The following PDS5A variants were observed in gnomAD, a reference collection of about 807,000 sequenced individuals.
PDS5A encodes the protein sister chromatid cohesion protein PDS5 homolog A.
A neutral mutation model predicts 167.1 loss-of-function variants in PDS5A; 42 were observed. The ratio of observed to expected loss-of-function variants is 0.25; its 90% CI spans 0.20 to 0.33. PDS5A has a LOEUF of 0.33. Ranked by LOEUF, PDS5A falls within the 10% of genes least tolerant of loss-of-function variation. The probability of loss-of-function intolerance (pLI) is 1.00; values close to 1 mark genes in which losing one functional copy is unlikely to be tolerated. For synonymous variants in PDS5A, 553 were observed against 554.6 expected (o/e 1.00, Z 0.04); for missense variants, 1,033 against 1,605.9 (o/e 0.64, Z 6.10).
chr4:39,909,142 A>C, intron 10 of PDS5A, among the ~76,000 whole-genome samples: 1 of 151,014 alleles, frequency 6.6e-6, no homozygotes, highest in East Asian at 1.9e-4. Context: ...TTGTTGTTGA[A>C]ACAACAACAA....
intron 26 of PDS5A, among the ~76,000 whole-genome samples, chr4:39,852,578 T>A (rs528869946): frequency 6.6e-6 from 1 of 152,160 alleles, no homozygotes; most frequent in Non-Finnish European, 1.5e-5. Context: ...TGCCTTGCAT[T>A]CCCCTAAAAG....
chr4:39,969,483 A>G (rs546597787), intron 2 of PDS5A, among the ~76,000 whole-genome samples: 41 of 152,240 alleles, frequency 2.7e-4, no homozygotes, highest in Non-Finnish European at 4.4e-4. Flanking sequence ...CCTGACCAAC[A>G]TGGTAAAACC....
chr4:39,912,760 T>A (rs1200306484), intron 9 of PDS5A, among the ~76,000 whole-genome samples: 1 of 152,192 alleles, frequency 6.6e-6, no homozygotes, highest in Non-Finnish European at 1.5e-5. Context: ...TTTAATGAAT[T>A]TCATAAATTT....
intron 11 of PDS5A, among the ~76,000 whole-genome samples, chr4:39,907,882 G>C (rs11097007): frequency 2.6e-5 from 4 of 151,940 alleles, no homozygotes; most frequent in Admixed American, 2.6e-4. Flanking sequence ...CACCGCGCCC[G>C]GCAATCCATT....
At position 39,823,675 on chromosome 4, in the gene PDS5A, C is replaced by G. The variant is rs1017853234; in HGVS notation, c.*1810G>C. 1 of 152,458 alleles carries G rather than the reference C, an allele frequency of 6.6e-6. No homozygotes were observed. Among genetic ancestry groups the G allele is most frequent in the Admixed American group, 6.6e-5 (1 of 15,232 alleles). 9.4% of individuals were successfully genotyped at this position (152,458 alleles called of 1,614,324 possible). On this transcript the variant is annotated 3_prime_UTR_variant, in exon 33 of 33. Coordinates refer to ENST00000303538, the MANE Select transcript of PDS5A (RefSeq NM_001100399.2). ...ATACTCTTTTTCAGCATGTTGGAGGCAATATTTTATACTTTCTAAAGGGTT... is the reference window on the plus strand; with the variant it reads ...ATACTCTTTTTCAGCATGTTGGAGGGAATATTTTATACTTTCTAAAGGGTT...
At chr4:39,861,160 G>A (rs1217333480) in intron 26 of PDS5A, among the ~76,000 whole-genome samples, 1 of 151,470 alleles carries the variant, frequency 6.6e-6, no homozygotes, top group African/African-American at 2.4e-5. Flanking sequence ...AAGGGAAGGG[G>A]GAATAAAGAG....
At position 39,920,386 on chromosome 4, in the gene PDS5A, T is replaced by A; in HGVS notation, c.668A>T (p.Gln223Leu). 1 of 1,522,402 alleles carries A rather than the reference T, an allele frequency of 6.6e-7. No homozygotes were observed. Among genetic ancestry groups the A allele is most frequent in the Non-Finnish European group, 9.0e-7 (1 of 1,105,042 alleles). 94.3% of individuals were successfully genotyped at this position (1,522,402 alleles called of 1,614,324 possible). ...TAGCACTTTTGCAAGGTCAAAGGACTGTTTATTTAAGTTCTGAAAAATAAT... is the reference window on the plus strand; with the variant it reads ...TAGCACTTTTGCAAGGTCAAAGGACAGTTTATTTAAGTTCTGAAAAATAAT... Reference protein sequence around the residue: ...LIPAHKNLNKQSFDLAKVLLK... With the variant: ...LIPAHKNLNKLSFDLAKVLLK... Residue 223 changes from glutamine (Q) to leucine (L), a missense_variant, in exon 7 of 33, where the codon CAG becomes CTG. Gln to Leu is a moderately radical substitution (Grantham distance 113). Coordinates refer to ENST00000303538, the MANE Select transcript of PDS5A (RefSeq NM_001100399.2).
chr4:39,959,367 G>A (rs779743258), intron 2 of PDS5A, among the ~76,000 whole-genome samples: 1 of 151,974 alleles, frequency 6.6e-6, no homozygotes, highest in Non-Finnish European at 1.5e-5. Context: ...TTTTGTTGTT[G>A]TTGGAGATAG....
chr4:39,908,808 G>A (rs1174555995), intron 10 of PDS5A: 7 of 372,524 alleles, frequency 1.9e-5, no homozygotes, highest in Admixed American at 4.3e-5. Flanking sequence ...CAGGCAGGTC[G>A]CACAAGCTCA....
intron 2 of PDS5A, chr4:39,973,040 AATT>A: frequency 2.7e-6 from 1 of 367,970 alleles, no homozygotes; most frequent in Non-Finnish European, 5.2e-6. Context: ...TATATTTTGC[AATT>A]TTTTTTTCCA....
chr4:39,931,914 CAG>C (rs953583796), intron 2 of PDS5A, among the ~76,000 whole-genome samples: 1 of 139,964 alleles, frequency 7.1e-6, no homozygotes, highest in African/African-American at 2.7e-5. Context: ...TTTTTTAAGA[CAG>C]AGTCTTGCTC....
At chr4:39,922,422 G>GAAA (rs1185605621) in intron 6 of PDS5A, among the ~76,000 whole-genome samples, 200 bp downstream of exon 6, 1 of 152,116 alleles carries the variant, frequency 6.6e-6, no homozygotes, top group Admixed American at 6.6e-5. Context: ...TTAAATGAAT[G>GAAA]AAACTCCTAC....
At chr4:39,929,670 A>C (rs1242313364) in intron 2 of PDS5A, among the ~76,000 whole-genome samples, 1 of 149,462 alleles carries the variant, frequency 6.7e-6, no homozygotes, top group Admixed American at 6.7e-5. Context: ...ACCCTAATAC[A>C]ATCTGTCGCC....
intron 2 of PDS5A, among the ~76,000 whole-genome samples, chr4:39,952,943 G>A (rs977060746): frequency 1.3e-5 from 2 of 152,050 alleles, no homozygotes; most frequent in Non-Finnish European, 2.9e-5. Context: ...TGGCTAGGCT[G>A]GTCTGGAACT....
At chr4:39,944,090 A>C (rs1205399395) in intron 2 of PDS5A, among the ~76,000 whole-genome samples, 10 of 150,112 alleles carry the variant, frequency 6.7e-5, no homozygotes, top group Non-Finnish European at 1.5e-4. Context: ...AGGCAAGAGA[A>C]TGGCGTGAAC....
At chr4:39,852,711 C>T (rs1718220464) in intron 26 of PDS5A, among the ~76,000 whole-genome samples, 1 of 152,154 alleles carries the variant, frequency 6.6e-6, no homozygotes, top group Non-Finnish European at 1.5e-5. Context: ...TCCTAGGAAG[C>T]TTGTGCCATT....
At chr4:39,860,318 A>G (rs1201295450) in intron 26 of PDS5A, among the ~76,000 whole-genome samples, 1 of 151,986 alleles carries the variant, frequency 6.6e-6, no homozygotes. Context: ...TACAAAAATT[A>G]GCTGGTTGTG....
intron 15 of PDS5A, 47 bp from the exon 16 acceptor site, chr4:39,898,575 A>G: frequency 1.6e-6 from 2 of 1,224,212 alleles, no homozygotes; most frequent in Non-Finnish European, 2.2e-6. Context: ...AAAAAAAAAA[A>G]CTATTCTACT....
intron 23 of PDS5A, 30 bp downstream of exon 23, chr4:39,866,831 A>G: frequency 6.3e-7 from 1 of 1,591,892 alleles, no homozygotes; most frequent in Non-Finnish European, 8.6e-7. Flanking sequence ...TTTCAGCACT[A>G]AGAAAACTGG....
Sources: allele counts gnomAD v4.1 joint callset (sites outside exome capture counted in the v4.1 genomes callset), GRCh38; gene constraint gnomAD v4.1.1; transcripts MANE v1.5; gene names NCBI Gene and HGNC (gene_info 2026-07-23, HGNC 2026-07-21).